PSMC6: variants seen among roughly 807,000 people sequenced by gnomAD.
PSMC6 encodes 26S proteasome regulatory subunit 10B.
PSMC6 carries 3 observed loss-of-function variants against 55.9 expected under a neutral mutation model. The ratio of observed to expected loss-of-function variants is 0.05; its 90% CI spans 0.02 to 0.14. The LOEUF (loss-of-function observed/expected upper bound fraction) is 0.14. Ranked by LOEUF, PSMC6 falls within the 10% of genes least tolerant of loss-of-function variation. The pLI, the probability that PSMC6 is intolerant of heterozygous loss-of-function variation, is 1.00. For synonymous variants in PSMC6, 137 were observed against 155.9 expected (o/e 0.88, Z 0.90); for missense variants, 210 against 478.7 (o/e 0.44, Z 5.24).
intron 13 of PSMC6, among the ~76,000 whole-genome samples, chr14:52,726,569 A>G (rs957266378): frequency 3.9e-5 from 6 of 152,076 alleles, no homozygotes; most frequent in Middle Eastern, 3.4e-3. Flanking sequence ...GGTAGTTTTG[A>G]TTGCTTCGGT....
intron 7 of PSMC6, among the ~76,000 whole-genome samples, chr14:52,715,423 T>C (rs1218794820): frequency 6.6e-6 from 1 of 152,190 alleles, no homozygotes; most frequent in Non-Finnish European, 1.5e-5. Flanking sequence ...TTATTAGTTA[T>C]TGATTACTCA....
chr14:52,716,994 G>A (rs542717675), intron 7 of PSMC6, among the ~76,000 whole-genome samples: 1 of 152,328 alleles, frequency 6.6e-6, no homozygotes, highest in Admixed American at 6.5e-5. Flanking sequence ...GGTGGTGTAT[G>A]GGGATAGGGG....
At chr14:52,724,354 CA>C (rs1880321558) in intron 13 of PSMC6, among the ~76,000 whole-genome samples, 1 of 152,210 alleles carries the variant, frequency 6.6e-6, no homozygotes, top group African/African-American at 2.4e-5. Flanking sequence ...ACTCATCCCC[CA>C]TTGGATGAGA....
At chr14:52,710,867 A>G (rs2041764251) in intron 4 of PSMC6, 8 of 515,056 alleles carry the variant, frequency 1.6e-5, no homozygotes, top group Non-Finnish European at 2.8e-5. Flanking sequence ...TGTGTTAGTC[A>G]TTTCACATTT....
chr14:52,727,105 C>G (rs1880451471), intron 13 of PSMC6, among the ~76,000 whole-genome samples: 1 of 146,386 alleles, frequency 6.8e-6, no homozygotes. Flanking sequence ...ACTGCAACCT[C>G]CGCCTCCTGG....
intron 13 of PSMC6, 26 bp downstream of exon 13, chr14:52,724,062 TATTG>T (rs778284014): frequency 1.5e-5 from 24 of 1,589,678 alleles, no homozygotes; most frequent in Non-Finnish European, 2.0e-5. Flanking sequence ...ACAGTTTTAC[TATTG>T]ATTTTGATTT....
rs555349586 is a variant in PSMC6, at chr14:52,714,587, C to T, written c.529+619C>T. Among the ~76,000 whole-genome samples the T allele has an allele frequency of 3.9e-5, 6 of 152,214 alleles. No individual in the cohort carries two copies. In the East Asian group the frequency reaches 7.7e-4, roughly 20 times the overall value. ...TATAATACTGAAATGTTAAGCCAGG[C>T]GCAGTGGCTCACACCTGTAATCCCA... On this transcript the variant is annotated intron_variant, in intron 7 of 13. Coordinates refer to ENST00000445930, the MANE Select transcript of PSMC6 (RefSeq NM_002806.5).
chr14:52,712,049 T>C (rs1043895461), intron 6 of PSMC6, among the ~76,000 whole-genome samples: 2 of 152,242 alleles, frequency 1.3e-5, no homozygotes, highest in African/African-American at 4.8e-5. Flanking sequence ...ATTGCCTTAC[T>C]TCATAGCACA....
chr14:52,716,552 G>C (rs547192189), intron 7 of PSMC6, among the ~76,000 whole-genome samples: 1 of 152,084 alleles, frequency 6.6e-6, no homozygotes, highest in African/African-American at 2.4e-5. Context: ...TCGGGAGTTC[G>C]AGACCAGCCT....
chr14:52,720,835 TA>T, intron 10 of PSMC6, 25 bp from the exon 11 acceptor site: 1 of 1,559,772 alleles, frequency 6.4e-7, no homozygotes, highest in Non-Finnish European at 8.8e-7. Context: ...AGAATTTTTG[TA>T]AAATCTGATT....
intron 1 of PSMC6, 178 bp downstream of exon 1, chr14:52,707,482 A>G: frequency 7.6e-6 from 6 of 786,810 alleles, no homozygotes; most frequent in Non-Finnish European, 1.2e-5. Flanking sequence ...CTTCGGGTGT[A>G]GAAATGGCCC....
intron 10 of PSMC6, among the ~76,000 whole-genome samples, chr14:52,719,544 A>G (rs2041866378): frequency 6.6e-6 from 1 of 152,206 alleles, no homozygotes; most frequent in Non-Finnish European, 1.5e-5. Context: ...CCCACTCCAA[A>G]TTCTGTGAAA....
chr14:52,714,044 T>A (rs78576887), intron 7 of PSMC6, 76 bp downstream of exon 7: 1 of 1,050,848 alleles, frequency 9.5e-7, no homozygotes, highest in South Asian at 1.6e-5. Context: ...ACAATTTTTT[T>A]ATTTTTATTT....
At chr14:52,718,558 G>A (rs1452273215) in intron 9 of PSMC6, 1 of 511,622 alleles carries the variant, frequency 2.0e-6, no homozygotes, top group African/African-American at 1.9e-5. Flanking sequence ...AGAGGCCAAG[G>A]TGGGCAGATC....
intron 13 of PSMC6, 56 bp from the exon 14 acceptor site, chr14:52,727,443 A>G: frequency 1.8e-6 from 2 of 1,097,082 alleles, no homozygotes; most frequent in Non-Finnish European, 2.7e-6. Flanking sequence ...TTTTCTTATA[A>G]TGAACATATA....
chr14:52,718,797 T>G, intron 9 of PSMC6, 180 bp from the exon 10 acceptor site: 1 of 594,736 alleles, frequency 1.7e-6, no homozygotes, highest in Non-Finnish European at 2.9e-6. Flanking sequence ...TAAATAACCT[T>G]TCACTTTAAC....
intron 10 of PSMC6, among the ~76,000 whole-genome samples, chr14:52,719,528 C>G (rs897767374): frequency 1.3e-5 from 2 of 152,206 alleles, no homozygotes; most frequent in Admixed American, 6.5e-5. Flanking sequence ...TCCAGTTTTA[C>G]CTTTCCCCAC....
intron 1 of PSMC6, 50 bp downstream of exon 1, chr14:52,707,354 C>T (rs953069276): frequency 1.9e-6 from 3 of 1,608,160 alleles, no homozygotes; most frequent in Non-Finnish European, 1.7e-6. Flanking sequence ...CTCGCTTCTG[C>T]CTCTGACAAA....
At chr14:52,707,490 C>A in intron 1 of PSMC6, 186 bp downstream of exon 1, 1 of 687,062 alleles carries the variant, frequency 1.5e-6, no homozygotes, top group Non-Finnish European at 2.4e-6. Context: ...GTAGAAATGG[C>A]CCAGTCCAGC....
Sources: gnomAD v4.1 joint callset for allele counts (sites outside exome capture counted in the v4.1 genomes callset) on GRCh38, gnomAD v4.1.1 for gene constraint, MANE v1.5 for transcripts, NCBI Gene and HGNC (gene_info 2026-07-23, HGNC 2026-07-21) for gene names.